The following CTNNA2 variants were observed in gnomAD, a reference collection of about 807,000 sequenced individuals.
The protein encoded by CTNNA2 is catenin alpha 2, also known as catenin alpha-2.
A neutral mutation model predicts 101.0 loss-of-function variants in CTNNA2; 42 were observed. The observed-to-expected ratio is 0.42, with a 90% CI of 0.32 to 0.54. CTNNA2 has a LOEUF of 0.54. Ranked by LOEUF, CTNNA2 falls within the 20% of genes least tolerant of loss-of-function variation. The pLI, the probability that CTNNA2 is intolerant of heterozygous loss-of-function variation, is 0.14. For synonymous variants in CTNNA2, 450 were observed against 456.4 expected (o/e 0.99, Z 0.18); for missense variants, 871 against 1,223.1 (o/e 0.71, Z 4.29).
intron 7 of CTNNA2, among the ~76,000 whole-genome samples, chr2:80,075,889 T>C (rs959931716): frequency 1.3e-5 from 2 of 151,314 alleles, no homozygotes; most frequent in African/African-American, 4.9e-5. Flanking sequence ...ATAGACTTCA[T>C]TGACTATGAA....
chr2:79,569,549 A>T (rs1221558302), intron 1 of CTNNA2, among the ~76,000 whole-genome samples: 1 of 152,108 alleles, frequency 6.6e-6, no homozygotes, highest in Non-Finnish European at 1.5e-5. Flanking sequence ...TTTACCTTCT[A>T]CTTAATTTTT....
At chr2:80,599,648 C>T (rs1003334248) in intron 15 of CTNNA2, among the ~76,000 whole-genome samples, 12 of 152,092 alleles carry the variant, frequency 7.9e-5, no homozygotes, top group African/African-American at 2.9e-4. Context: ...GGCCTTGAAA[C>T]TTTCTTAGAA....
At chr2:79,227,929 T>C (rs1674441403) in intron 2 of CTNNA2, among the ~76,000 whole-genome samples, 1 of 152,202 alleles carries the variant, frequency 6.6e-6, no homozygotes, top group African/African-American at 2.4e-5. Context: ...TGATCCCTAG[T>C]ATCTATTGTT....
intron 9 of CTNNA2, among the ~76,000 whole-genome samples, chr2:80,495,277 C>T (rs551588117): frequency 6.6e-6 from 1 of 152,304 alleles, no homozygotes; most frequent in South Asian, 2.1e-4. Context: ...CCTTCCCCAG[C>T]TTATGAGGGT....
chr2:80,169,859 G>C (rs374936365), intron 7 of CTNNA2, among the ~76,000 whole-genome samples: 26 of 152,308 alleles, frequency 1.7e-4, no homozygotes, highest in African/African-American at 6.0e-4. Context: ...CTTGCCACTT[G>C]CGTGACTTTA....
At chr2:79,230,091 T>C (rs1674470063) in intron 2 of CTNNA2, among the ~76,000 whole-genome samples, 1 of 152,210 alleles carries the variant, frequency 6.6e-6, no homozygotes, top group East Asian at 1.9e-4. Flanking sequence ...AAAATGAAAA[T>C]CCCTTTTTCT....
intron 9 of CTNNA2, among the ~76,000 whole-genome samples, chr2:80,484,707 A>T (rs1052479517): frequency 1.3e-5 from 2 of 152,154 alleles, no homozygotes; most frequent in African/African-American, 4.8e-5. Context: ...AGTTTTTGTT[A>T]AACAAAATAA....
chr2:80,343,513 T>C (rs1038214771), intron 7 of CTNNA2, among the ~76,000 whole-genome samples: 6 of 152,116 alleles, frequency 3.9e-5, no homozygotes, highest in Admixed American at 2.0e-4. Flanking sequence ...TATCCTCTGG[T>C]TTTGTGTCAT....
intron 3 of CTNNA2, among the ~76,000 whole-genome samples, chr2:79,857,115 G>C (rs892842503): frequency 6.6e-6 from 1 of 152,154 alleles, no homozygotes; most frequent in Non-Finnish European, 1.5e-5. Flanking sequence ...TGGGGCTCCA[G>C]GCTTCAGAGC....
At chr2:79,912,903 T>A (rs1382417143) in intron 7 of CTNNA2, among the ~76,000 whole-genome samples, 1 of 152,176 alleles carries the variant, frequency 6.6e-6, no homozygotes, top group Non-Finnish European at 1.5e-5. Context: ...GGTGGCAGTA[T>A]AAACATAACA....
At chr2:79,295,010 TGTGTATTTGTGTATGC>T (rs765162286) in intron 2 of CTNNA2, among the ~76,000 whole-genome samples, 519 of 145,044 alleles carry the variant, frequency 3.6e-3, no homozygotes, top group Non-Finnish European at 5.0e-3. Context: ...TGTGTGTGTG[TGTGTATTTGTGTATGC>T]GTGTGTGTAT....
intron 7 of CTNNA2, among the ~76,000 whole-genome samples, chr2:80,195,997 T>A (rs1706806903): frequency 6.6e-6 from 1 of 152,166 alleles, no homozygotes; most frequent in Admixed American, 6.5e-5. Context: ...TGCATCACTA[T>A]CAAACAGTAA....
rs377581846 is a variant in CTNNA2, at chr2:79,670,372, C to G, written c.102+18714C>G. 1.1e-4 allele frequency among the ~76,000 whole-genome samples: 16 copies of G among 152,272 alleles called. No individual in the cohort carries two copies. The East Asian group carries it at 2.9e-3, about 28-fold the overall frequency. Reference sequence around the variant, plus strand: ...AGCCCCGCCCTCCTGGGTAGGGCTCCTGACTGCTCCGTGGAACAAAAGACC... The same window carrying G: ...AGCCCCGCCCTCCTGGGTAGGGCTCGTGACTGCTCCGTGGAACAAAAGACC... On this transcript the variant is annotated intron_variant, in intron 2 of 18. Coordinates refer to ENST00000402739, the MANE Select transcript of CTNNA2 (RefSeq NM_001282597.3).
At chr2:79,236,207 C>T (rs943846173) in intron 2 of CTNNA2, among the ~76,000 whole-genome samples, 1 of 152,148 alleles carries the variant, frequency 6.6e-6, no homozygotes, top group African/African-American at 2.4e-5. Flanking sequence ...ATCATAACTC[C>T]CTGTACCCTC....
At chr2:80,036,408 C>T (rs966049628) in intron 7 of CTNNA2, among the ~76,000 whole-genome samples, 1 of 152,032 alleles carries the variant, frequency 6.6e-6, no homozygotes, top group Non-Finnish European at 1.5e-5. Flanking sequence ...ATCCCTGCAA[C>T]ATAGCAATAC....
intron 2 of CTNNA2, among the ~76,000 whole-genome samples, chr2:79,297,178 ATTTGTTTG>A (rs147594060): frequency 1.1e-3 from 173 of 151,450 alleles, no homozygotes; most frequent in Admixed American, 1.7e-3. Flanking sequence ...TTGGTTTGTC[ATTTGTTTG>A]TTTGTTTGTT....
chr2:80,559,891 TAC>T (rs1553387589), intron 12 of CTNNA2, among the ~76,000 whole-genome samples: 1 of 146,818 alleles, frequency 6.8e-6, no homozygotes, highest in Non-Finnish European at 1.5e-5. Context: ...TATATATATA[TAC>T]ACACACATAC....
At chr2:80,032,197 A>G (rs1450186852) in intron 7 of CTNNA2, among the ~76,000 whole-genome samples, 1 of 151,824 alleles carries the variant, frequency 6.6e-6, no homozygotes, top group African/African-American at 2.4e-5. Context: ...GAAAGGATCC[A>G]GTGGCAGCAG....
At chr2:79,654,592 T>C in intron 2 of CTNNA2, among the ~76,000 whole-genome samples, 1 of 152,226 alleles carries the variant, frequency 6.6e-6, no homozygotes, top group East Asian at 1.9e-4. Flanking sequence ...CTCACTCATA[T>C]ATTCCAGGAT....
Sources: gnomAD v4.1 joint callset for allele counts (sites outside exome capture counted in the v4.1 genomes callset) on GRCh38, gnomAD v4.1.1 for gene constraint, MANE v1.5 for transcripts, NCBI Gene and HGNC (gene_info 2026-07-23, HGNC 2026-07-21) for gene names.